ZNF385D: variants seen among roughly 807,000 people sequenced by gnomAD.
The protein encoded by ZNF385D is zinc finger protein 659.
In ZNF385D, 15 loss-of-function variants were observed where a neutral mutation model predicts 35.8. That is an observed-to-expected ratio of 0.42 (90% confidence interval 0.28 to 0.64). The LOEUF (loss-of-function observed/expected upper bound fraction) is 0.64, where lower values mean the gene tolerates loss of function less well. Ranked by LOEUF, ZNF385D falls within the 30% of genes least tolerant of loss-of-function variation. The pLI is 0.23. For missense variants in ZNF385D, 474 were observed against 494.6 expected (o/e 0.96, Z 0.39); for synonymous variants, 212 against 186.8 (o/e 1.13, Z -1.10).
chr3:22,062,278 C>T (rs996781877), intron 3 of ZNF385D, among the ~76,000 whole-genome samples: 6 of 152,036 alleles, frequency 3.9e-5, no homozygotes, highest in Non-Finnish European at 7.4e-5. Flanking sequence ...CGGACTTAAA[C>T]TCTCGGGATC....
intron 2 of ZNF385D, among the ~76,000 whole-genome samples, chr3:22,293,194 T>C (rs1454744306): frequency 6.6e-6 from 1 of 152,092 alleles, no homozygotes; most frequent in African/African-American, 2.4e-5. Context: ...ATATTATTCA[T>C]TTGCATGTGT....
chr3:21,996,042 G>A (rs1370064049), intron 3 of ZNF385D, among the ~76,000 whole-genome samples: 1 of 152,094 alleles, frequency 6.6e-6, no homozygotes, highest in Non-Finnish European at 1.5e-5. Flanking sequence ...CAAAGCTCAG[G>A]GATGTGCAGG....
At chr3:21,424,320 T>TATATATATATAC (rs1418109308) in intron 6 of ZNF385D, among the ~76,000 whole-genome samples, 110 of 117,594 alleles carry the variant, frequency 9.4e-4, no homozygotes, top group South Asian at 1.7e-3. Flanking sequence ...TATATATATT[T>TATATATATATAC]TTTTTTTTTT....
rs1487972157 is a variant in ZNF385D, at chr3:21,927,226, T to C, written c.325+241591A>G. Among the ~76,000 whole-genome samples, 26 of 152,148 alleles carry C rather than the reference T, an allele frequency of 1.7e-4. 1 individual carries two copies. Among genetic ancestry groups the C allele is most frequent in the Admixed American group, 1.6e-3 (25 of 15,258 alleles). On this transcript the variant is annotated intron_variant, in intron 3 of 5. Coordinates refer to the ZNF385D transcript ENST00000494108. Reference sequence around the variant, plus strand: ...AGTCCTCACCAGAAGCAAGTGTTGGTACCATGCTTCTTGTATAGCTTGCAG... The same window carrying C: ...AGTCCTCACCAGAAGCAAGTGTTGGCACCATGCTTCTTGTATAGCTTGCAG...
At chr3:22,165,680 A>G (rs540373744) in intron 3 of ZNF385D, among the ~76,000 whole-genome samples, 1 of 152,340 alleles carries the variant, frequency 6.6e-6, no homozygotes, top group African/African-American at 2.4e-5. Flanking sequence ...TTAAATCTTT[A>G]CACCATTATT....
intron 3 of ZNF385D, among the ~76,000 whole-genome samples, chr3:21,948,549 T>C (rs1186002371): frequency 6.6e-6 from 1 of 152,098 alleles, no homozygotes; most frequent in Non-Finnish European, 1.5e-5. Context: ...TCTAATATTA[T>C]ATATTTGTAT....
chr3:21,765,230 G>A (rs887730712), intron 3 of ZNF385D, among the ~76,000 whole-genome samples: 1 of 152,058 alleles, frequency 6.6e-6, no homozygotes, highest in Non-Finnish European at 1.5e-5. Flanking sequence ...GAGAGAGAGA[G>A]AGAGAGAGCA....
intron 2 of ZNF385D, among the ~76,000 whole-genome samples, chr3:22,245,704 A>G (rs949787787): frequency 7.4e-6 from 1 of 136,048 alleles, no homozygotes; most frequent in Non-Finnish European, 1.5e-5. Flanking sequence ...GTGAAGAGGA[A>G]AGTGGTTCAG....
At chr3:22,329,110 G>C (rs184968571) in intron 2 of ZNF385D, among the ~76,000 whole-genome samples, 1 of 145,154 alleles carries the variant, frequency 6.9e-6, no homozygotes, top group East Asian at 2.1e-4. Context: ...GTTTATTAAA[G>C]TTGCTCATAT....
intron 3 of ZNF385D, among the ~76,000 whole-genome samples, chr3:21,953,142 T>G (rs1283395193): frequency 1.3e-5 from 2 of 151,964 alleles, no homozygotes; most frequent in Admixed American, 6.6e-5. Context: ...TTTCCTCAAG[T>G]GTTTCTTTTC....
intron 3 of ZNF385D, among the ~76,000 whole-genome samples, chr3:21,556,061 T>G (rs1455903504): frequency 1.5e-5 from 2 of 132,342 alleles, no homozygotes; most frequent in East Asian, 2.2e-4. Context: ...ACGTTTTTTT[T>G]GTTTTTGTTT....
At chr3:21,919,212 A>G (rs10865778) in intron 3 of ZNF385D, among the ~76,000 whole-genome samples, 81,352 of 152,012 alleles carry the variant, frequency 0.54, 23,829 homozygotes, top group South Asian at 0.66. Context: ...CATTCACCAC[A>G]CAAGTACTAT....
At chr3:21,896,607 A>T (rs1257369969) in intron 3 of ZNF385D, among the ~76,000 whole-genome samples, 1 of 152,120 alleles carries the variant, frequency 6.6e-6, no homozygotes, top group South Asian at 2.1e-4. Flanking sequence ...CTTCCTATTT[A>T]GGAGGTACTT....
intron 2 of ZNF385D, among the ~76,000 whole-genome samples, chr3:22,355,588 G>A (rs1052350082): frequency 2.6e-5 from 4 of 151,832 alleles, no homozygotes; most frequent in Admixed American, 1.3e-4. Flanking sequence ...AAGGTACCTG[G>A]AATGAATTCC....
At chr3:22,303,277 CA>C (rs932055577) in intron 2 of ZNF385D, among the ~76,000 whole-genome samples, 18 of 152,240 alleles carry the variant, frequency 1.2e-4, no homozygotes, top group African/African-American at 4.3e-4. Flanking sequence ...TGGTTTACCC[CA>C]TTGTCAATGA....
chr3:21,890,947 G>A (rs1698826413), intron 3 of ZNF385D, among the ~76,000 whole-genome samples: 1 of 152,110 alleles, frequency 6.6e-6, no homozygotes, highest in African/African-American at 2.4e-5. Context: ...GAATTTCAAG[G>A]TGGGAGAAGA....
chr3:21,455,797 C>A (rs934632468), intron 4 of ZNF385D, among the ~76,000 whole-genome samples: 1 of 152,120 alleles, frequency 6.6e-6, no homozygotes, highest in East Asian at 1.9e-4. Context: ...TCAGAGTGAA[C>A]AGGCAACCTA....
rs552169732 is a variant in ZNF385D at position 22,169,866 on chromosome 3, C to G, written c.107-831G>C. Among the ~76,000 whole-genome samples the G allele has an allele frequency of 3.9e-5, 6 of 152,276 alleles. No individual in the cohort carries two copies. The South Asian group carries it at 1.2e-3, about 32-fold the overall frequency. On this transcript the variant is annotated intron_variant, in intron 2 of 5. Coordinates refer to the ZNF385D transcript ENST00000494108. ...CTGGAGTGCAGTGGCATGATCTTGGCTCAGCACAGCCTTGACCTCCTGGGC... is the reference window on the plus strand; with the variant it reads ...CTGGAGTGCAGTGGCATGATCTTGGGTCAGCACAGCCTTGACCTCCTGGGC...
intron 3 of ZNF385D, among the ~76,000 whole-genome samples, chr3:21,771,136 T>C (rs2071059875): frequency 6.6e-6 from 1 of 151,674 alleles, no homozygotes; most frequent in Non-Finnish European, 1.5e-5. Flanking sequence ...ATATACCTAA[T>C]GTAAATGACG....
Sources: allele counts gnomAD v4.1 joint callset (sites outside exome capture counted in the v4.1 genomes callset), GRCh38; gene constraint gnomAD v4.1.1; transcripts MANE v1.5; gene names NCBI Gene and HGNC (gene_info 2026-07-23, HGNC 2026-07-21).